Variants in SPEF2 observed in about 807,000 individuals in gnomAD.
The protein encoded by SPEF2 is sperm flagellar and cilia associated 2.
Under a neutral mutation model 224.6 loss-of-function variants are expected in SPEF2, and 187 were observed. The observed-to-expected ratio is 0.83, with a 90% CI of 0.74 to 0.94. The LOEUF (loss-of-function observed/expected upper bound fraction) is 0.94, where lower values mean the gene tolerates loss of function less well. SPEF2 is among the 40% of genes least tolerant of loss of function. The probability of loss-of-function intolerance (pLI) is 0.00; values close to 1 mark genes in which losing one functional copy is unlikely to be tolerated. For missense variants in SPEF2, 2,170 were observed against 2,135.6 expected (o/e 1.02, Z -0.32); for synonymous variants, 715 against 707.3 (o/e 1.01, Z -0.17).
intron 26 of SPEF2, among the ~76,000 whole-genome samples, chr5:35,765,842 G>GT (rs952423356): frequency 6.6e-6 from 1 of 151,910 alleles, no homozygotes; most frequent in African/African-American, 2.4e-5. Context: ...TACTCTAGAG[G>GT]TTTTTTCATG....
At position 35,741,582 on chromosome 5, in the gene SPEF2, C is replaced by A. The variant is rs201650021; in HGVS notation, c.3330+1315C>A. On this transcript the variant is annotated intron_variant, in intron 23 of 36. Transcript: ENST00000356031. ...CTATTGATCTGAGTGAGACAGGAAG[C>A]ATTGCTATCTGGTTTTAAAAGAGTC... 7.2e-5 allele frequency among the ~76,000 whole-genome samples: 11 copies of A among 152,250 alleles called. No homozygotes were observed. In the East Asian group the frequency reaches 1.9e-3, roughly 27 times the overall value.
At chr5:35,671,491 C>A in intron 10 of SPEF2, 1 of 866,060 alleles carries the variant, frequency 1.2e-6, no homozygotes, top group Non-Finnish European at 1.3e-6. Flanking sequence ...AAGTATAATG[C>A]CATGTAAGAA....
rs144709337 is a variant in SPEF2, at chr5:35,784,522, A to G, written c.4447+5176A>G. On this transcript the variant is annotated intron_variant, in intron 30 of 36. Coordinates refer to ENST00000356031, the MANE Select transcript of SPEF2 (RefSeq NM_024867.4). Reference sequence around the variant, plus strand: ...TTAAGCTAGATCATTCAGCAGCATGATTTTTACAGGAGTTCAAAGGCAGAA... The same window carrying G: ...TTAAGCTAGATCATTCAGCAGCATGGTTTTTACAGGAGTTCAAAGGCAGAA... Among the ~76,000 whole-genome samples the G allele has an allele frequency of 3.9e-4, 60 of 152,216 alleles. No homozygotes were observed. The East Asian group carries it at 9.3e-3, about 24-fold the overall frequency.
In SPEF2 at chr5:35,700,589, T is replaced by C. The variant is rs1230626015; in HGVS notation, c.2235T>C (p.Asn745=). Residue 745 remains asparagine, a synonymous_variant, in exon 16 of 37, where the codon AAT becomes AAC. Transcript: ENST00000356031. ...QLLEEALTGC[N]RNLTEVERKK... ...TGGAAGAAGCTCTTACAGGCTGCAA[T>C]AGAAACCTCACAGAAGTGGAAAGAA... 1 of 1,613,702 alleles carries C rather than the reference T, an allele frequency of 6.2e-7. No homozygotes were observed. Among genetic ancestry groups the C allele is most frequent in the African/African-American group, 1.3e-5 (1 of 74,870 alleles).
intron 23 of SPEF2, among the ~76,000 whole-genome samples, chr5:35,743,834 T>C (rs933129853): frequency 6.6e-6 from 1 of 152,194 alleles, no homozygotes; most frequent in African/African-American, 2.4e-5. Flanking sequence ...GCAACAGTAA[T>C]AGCTAAATGC....
At chr5:35,784,596 T>G (rs1432123775) in intron 30 of SPEF2, among the ~76,000 whole-genome samples, 1 of 152,100 alleles carries the variant, frequency 6.6e-6, no homozygotes, top group African/African-American at 2.4e-5. Context: ...GCCCAGAGGC[T>G]TTTGAAACTG....
chr5:35,782,689 A>C (rs1561357007), intron 30 of SPEF2, among the ~76,000 whole-genome samples: 5 of 152,128 alleles, frequency 3.3e-5, no homozygotes, highest in Admixed American at 1.3e-4. Context: ...AATGGAAAGA[A>C]CTAAAGCTTA....
intron 3 of SPEF2, 23 bp downstream of exon 3, chr5:35,641,706 T>G (rs2149402322): frequency 6.3e-7 from 1 of 1,599,290 alleles, no homozygotes; most frequent in East Asian, 2.2e-5. Flanking sequence ...AAAAGCATAA[T>G]AAGCATGTCA....
At chr5:35,797,317 GGT>G (rs3219619) in intron 33 of SPEF2, among the ~76,000 whole-genome samples, 5,494 of 142,108 alleles carry the variant, frequency 0.039, 183 homozygotes, top group Middle Eastern at 0.077. Context: ...ATGGCTGACG[GGT>G]GTGTGTGTGT....
chr5:35,706,882 G>A (rs1739876906), intron 18 of SPEF2, among the ~76,000 whole-genome samples: 1 of 152,134 alleles, frequency 6.6e-6, no homozygotes, highest in South Asian at 2.1e-4. Context: ...TGACAGAATA[G>A]CAATCTTACA....
At chr5:35,735,741 C>A (rs758268899) in intron 21 of SPEF2, among the ~76,000 whole-genome samples, 1 of 152,106 alleles carries the variant, frequency 6.6e-6, no homozygotes, top group Non-Finnish European at 1.5e-5. Context: ...TAGATTATTT[C>A]TTGGTTTTGA....
Position 35,807,202 on chromosome 5 carries a change from G to A in SPEF2, c.5328G>A (p.Lys1776=), listed in dbSNP as rs983009124. Residue 1776 remains lysine (K), a synonymous_variant, in exon 36 of 37, where the codon AAG becomes AAA. Coordinates refer to ENST00000356031, the MANE Select transcript of SPEF2 (RefSeq NM_024867.4). ...CAATTGAAGTCGCTGTTCTCTTGAA[G>A]CATCCTTTTATTCAAGACCTGATTT... The part of the protein sequence containing the change: ...LEPIEVAVLL[K]HPFIQDLISN... 33 of 1,613,842 alleles carry A rather than the reference G, an allele frequency of 2.0e-5. No individual in the cohort carries two copies. The highest frequency in any genetic ancestry group is 2.8e-5 in the Non-Finnish European group (33 of 1,179,928).
chr5:35,679,243 C>T (rs1338877239), intron 10 of SPEF2, among the ~76,000 whole-genome samples: 1 of 152,160 alleles, frequency 6.6e-6, no homozygotes, highest in Non-Finnish European at 1.5e-5. Flanking sequence ...GAAGGTCAGC[C>T]AGGAGATACA....
intron 30 of SPEF2, among the ~76,000 whole-genome samples, chr5:35,786,728 A>G (rs895178693): frequency 6.6e-6 from 1 of 152,180 alleles, no homozygotes; most frequent in African/African-American, 2.4e-5. Flanking sequence ...AGGCAGGTCA[A>G]CTAATGTCAA....
At position 35,695,920 on chromosome 5, in the gene SPEF2, T is replaced by A. The variant is rs1356297915; in HGVS notation, c.2037+124T>A. On this transcript the variant is annotated intron_variant, in intron 14 of 36. Coordinates refer to ENST00000356031, the MANE Select transcript of SPEF2 (RefSeq NM_024867.4). ...CTCTTCTTTGGTTTCAAAGTTAATTTGATGGTATAATATTAGCTCACCTGA... is the reference window on the plus strand; with the variant it reads ...CTCTTCTTTGGTTTCAAAGTTAATTAGATGGTATAATATTAGCTCACCTGA... 6.3e-6 allele frequency: 4 copies of A among 632,530 alleles called. No homozygotes were observed. The African/African-American group carries it at 7.5e-5, about 12-fold the overall frequency. 39.2% of individuals were successfully genotyped at this position (632,530 alleles called of 1,614,324 possible).
chr5:35,630,933 G>A (rs1260893063), intron 2 of SPEF2, among the ~76,000 whole-genome samples: 1 of 152,024 alleles, frequency 6.6e-6, no homozygotes, highest in Non-Finnish European at 1.5e-5. Flanking sequence ...TTAACAATAG[G>A]CAAAGGATCT....
chr5:35,798,127 G>A (rs1273308003), intron 33 of SPEF2, among the ~76,000 whole-genome samples: 1 of 152,146 alleles, frequency 6.6e-6, no homozygotes, highest in African/African-American at 2.4e-5. Flanking sequence ...TCACCTAGAT[G>A]ACTGCAACGG....
At chr5:35,687,285 T>C (rs1444025456) in intron 10 of SPEF2, among the ~76,000 whole-genome samples, 1 of 152,220 alleles carries the variant, frequency 6.6e-6, no homozygotes, top group Non-Finnish European at 1.5e-5. Flanking sequence ...TAATTAGATC[T>C]GTTTCTGGAA....
At chr5:35,678,899 GATAA>G (rs1041417947) in intron 10 of SPEF2, among the ~76,000 whole-genome samples, 1 of 152,190 alleles carries the variant, frequency 6.6e-6, no homozygotes, top group Non-Finnish European at 1.5e-5. Flanking sequence ...CCTTAGGGAA[GATAA>G]ATAACCACAC....
Sources: allele counts gnomAD v4.1 joint callset (sites outside exome capture counted in the v4.1 genomes callset), GRCh38; gene constraint gnomAD v4.1.1; transcripts MANE v1.5; gene names NCBI Gene and HGNC (gene_info 2026-07-23, HGNC 2026-07-21).